EVI5: variants seen among roughly 807,000 people sequenced by gnomAD.
EVI5 encodes ecotropic viral integration site 5.
A neutral mutation model predicts 112.0 loss-of-function variants in EVI5; 73 were observed. That is an observed-to-expected ratio of 0.65 (90% CI 0.54 to 0.79). EVI5 has a LOEUF of 0.79. EVI5 is among the 30% of genes least tolerant of loss of function. The pLI, the probability that EVI5 is intolerant of heterozygous loss-of-function variation, is 0.00. For missense variants in EVI5, 900 were observed against 968.8 expected, an observed-to-expected ratio of 0.93 and a Z score of 0.94; for synonymous variants, 305 against 319.9, an observed-to-expected ratio of 0.95 and a Z score of 0.50.
At chr1:92,791,655 C>G (rs1480632777) in intron 1 of EVI5, among the ~76,000 whole-genome samples, 1 of 151,584 alleles carries the variant, frequency 6.6e-6, no homozygotes, top group Non-Finnish European at 1.5e-5. Context: ...ATAGATGCGA[C>G]GTGAGATGTG....
chr1:92,540,053 A>T (rs1451902032), intron 19 of EVI5, among the ~76,000 whole-genome samples: 1 of 152,222 alleles, frequency 6.6e-6, no homozygotes, highest in African/African-American at 2.4e-5. Flanking sequence ...ATAATTGATC[A>T]TATGGATATA....
At chr1:92,592,058 A>T (rs552399913) in intron 18 of EVI5, among the ~76,000 whole-genome samples, 49 of 152,234 alleles carry the variant, frequency 3.2e-4, no homozygotes, top group African/African-American at 8.2e-4. Flanking sequence ...CCTGGCTAAC[A>T]TGGTGAAACC....
In EVI5 at chr1:92,513,512, T is replaced by A. The variant is rs201987036; in HGVS notation, c.*144A>T. The stretch of plus-strand genomic sequence containing the variant: ...TAAAAAGGCAGATAAGACTGTAAAA[T>A]ATATATATATATATATATATATATA... On this transcript the variant is annotated 3_prime_UTR_variant, in exon 20 of 20. Coordinates refer to ENST00000684568, the MANE Select transcript of EVI5 (RefSeq NM_001350197.2). The A allele has an allele frequency of 0.028, 661 of 23,320 alleles. 38 individuals carry two copies. Among genetic ancestry groups the A allele is most frequent in the East Asian group, 0.17 (587 of 3,386 alleles). 1.4% of individuals were successfully genotyped at this position (23,320 alleles called of 1,614,324 possible). A position where few individuals can be genotyped will look rare whatever the true frequency, so the allele number is the denominator to read the frequency against.
chr1:92,737,301 A>G (rs774662223), intron 1 of EVI5, among the ~76,000 whole-genome samples: 1 of 152,164 alleles, frequency 6.6e-6, no homozygotes, highest in Non-Finnish European at 1.5e-5. Flanking sequence ...TCAGAAATAG[A>G]ATGGGATGCC....
rs544227844 is a variant in EVI5, at chr1:92,559,569, C to T, written c.2166+4073G>A. On this transcript the variant is annotated intron_variant, in intron 19 of 19. Coordinates refer to ENST00000684568, the MANE Select transcript of EVI5 (RefSeq NM_001350197.2). ...CAGGCGGATCACAAGGTTAGGAGTT[C>T]GAGACCAGCCTGGTCAACATGGTGA... Among the ~76,000 whole-genome samples, 4 of 151,612 alleles carry T rather than the reference C, an allele frequency of 2.6e-5. No homozygotes were observed. In the East Asian group the frequency reaches 5.8e-4, roughly 22 times the overall value.
intron 18 of EVI5, among the ~76,000 whole-genome samples, chr1:92,582,814 TATA>T (rs10549872): frequency 0.72 from 109,059 of 151,764 alleles, 39,967 homozygotes; most frequent in East Asian, 0.94. Context: ...CATAAAATAT[TATA>T]ATGATAATCA....
intron 1 of EVI5, among the ~76,000 whole-genome samples, chr1:92,748,281 T>G (rs894418462): frequency 1.3e-5 from 2 of 152,132 alleles, no homozygotes; most frequent in Admixed American, 1.3e-4. Flanking sequence ...AGAGACCACA[T>G]GGAGAGTACA....
chr1:92,740,975 T>C (rs1678290679), intron 1 of EVI5, among the ~76,000 whole-genome samples: 1 of 152,142 alleles, frequency 6.6e-6, no homozygotes, highest in Non-Finnish European at 1.5e-5. Context: ...GTAGATTCCA[T>C]GCAACTCCCA....
At chr1:92,534,044 C>T (rs966939744) in intron 19 of EVI5, among the ~76,000 whole-genome samples, 9 of 152,140 alleles carry the variant, frequency 5.9e-5, no homozygotes, top group Non-Finnish European at 1.3e-4. Flanking sequence ...TTGTCTCAGC[C>T]CAAAATCTCC....
intron 1 of EVI5, among the ~76,000 whole-genome samples, chr1:92,766,299 T>C (rs1682636867): frequency 6.6e-6 from 1 of 151,806 alleles, no homozygotes; most frequent in Non-Finnish European, 1.5e-5. Context: ...TTGTTTTGTT[T>C]CATTTTGTTT....
intron 18 of EVI5, among the ~76,000 whole-genome samples, chr1:92,591,866 A>T (rs191136688): frequency 1.3e-5 from 2 of 152,284 alleles, no homozygotes; most frequent in Non-Finnish European, 2.9e-5. Context: ...GAAGTAAAGC[A>T]CTCCTCAGCA....
intron 1 of EVI5, among the ~76,000 whole-genome samples, chr1:92,763,914 C>T (rs1682246276): frequency 6.6e-6 from 1 of 152,002 alleles, no homozygotes; most frequent in South Asian, 2.1e-4. Flanking sequence ...AGAGAAAAAG[C>T]ATCCAATGGC....
At chr1:92,717,292 C>CAG (rs1558137540) in intron 2 of EVI5, among the ~76,000 whole-genome samples, 1 of 152,056 alleles carries the variant, frequency 6.6e-6, no homozygotes, top group Non-Finnish European at 1.5e-5. Flanking sequence ...TAAGGGCAGA[C>CAG]AGAAAGGTCG....
At chr1:92,740,948 C>T (rs982741275) in intron 1 of EVI5, among the ~76,000 whole-genome samples, 4 of 152,080 alleles carry the variant, frequency 2.6e-5, no homozygotes, top group Admixed American at 2.0e-4. Flanking sequence ...CAGCCTTCTG[C>T]GCTACCTAAA....
chr1:92,718,290 G>C (rs1356706439), intron 2 of EVI5, among the ~76,000 whole-genome samples: 1 of 152,134 alleles, frequency 6.6e-6, no homozygotes, highest in Non-Finnish European at 1.5e-5. Context: ...CACATAGTTG[G>C]AAGTAAAGCA....
rs147973775 is a variant in EVI5, at chr1:92,553,297, AT to A, written c.2166+10344del. On this transcript the variant is annotated intron_variant, in intron 19 of 19. Transcript: ENST00000684568. The stretch of plus-strand genomic sequence containing the variant: ...AGGGGCATGCCACCACACCTGGCCA[AT>A]TTTTTTTTTTTTTTTTTTTTTTGAG... Among the ~76,000 whole-genome samples the A allele has an allele frequency of 9.7e-4, 72 of 74,214 alleles. 1 individual carries two copies. Among genetic ancestry groups the A allele is most frequent in the African/African-American group, 3.0e-3 (52 of 17,362 alleles). 48.7% of individuals were successfully genotyped at this position (74,214 alleles called of 152,430 possible).
chr1:92,668,284 C>CA (rs1469753235), intron 10 of EVI5, among the ~76,000 whole-genome samples: 2 of 152,118 alleles, frequency 1.3e-5, no homozygotes, highest in African/African-American at 4.8e-5. Context: ...TAATCTCAGA[C>CA]AAAATAACAG....
chr1:92,514,809 C>T (rs1159409120), intron 19 of EVI5, among the ~76,000 whole-genome samples: 2 of 152,188 alleles, frequency 1.3e-5, no homozygotes, highest in East Asian at 1.9e-4. Context: ...AAAAACCATA[C>T]TATCACACAC....
chr1:92,557,739 T>C (rs944519582), intron 19 of EVI5, among the ~76,000 whole-genome samples: 12 of 151,372 alleles, frequency 7.9e-5, no homozygotes, highest in South Asian at 4.2e-4. Flanking sequence ...TTTTTTTTTT[T>C]CTTGAGACAG....
Sources: gnomAD v4.1 joint callset for allele counts (sites outside exome capture counted in the v4.1 genomes callset) on GRCh38, gnomAD v4.1.1 for gene constraint, MANE v1.5 for transcripts, NCBI Gene and HGNC (gene_info 2026-07-23, HGNC 2026-07-21) for gene names.